Variants in CERS3 observed in about 807,000 individuals in gnomAD.
CERS3 encodes LAG1 homolog, ceramide synthase 3.
CERS3 carries 33 observed loss-of-function variants against 50.3 expected under a neutral mutation model. The ratio of observed to expected loss-of-function variants is 0.66; its 90% CI spans 0.50 to 0.88. The LOEUF (loss-of-function observed/expected upper bound fraction) is 0.88, where lower values mean the gene tolerates loss of function less well. Among genes scored for constraint, CERS3 ranks in the 40% least tolerant of loss-of-function variants. The pLI, the probability that CERS3 is intolerant of heterozygous loss-of-function variation, is 0.00. For missense variants in CERS3, 470 were observed against 460.3 expected, an observed-to-expected ratio of 1.02 and a Z score of -0.19; for synonymous variants, 176 against 155.2, an observed-to-expected ratio of 1.13 and a Z score of -0.99.
intron 2 of CERS3, among the ~76,000 whole-genome samples, chr15:100,505,131 T>C (rs906785974): frequency 6.6e-6 from 1 of 152,190 alleles, no homozygotes; most frequent in African/African-American, 2.4e-5. Flanking sequence ...TTCCTTACTT[T>C]ATTGGTTCCA....
At chr15:100,451,706 CA>C (rs59479206) in intron 11 of CERS3, among the ~76,000 whole-genome samples, 75,904 of 150,268 alleles carry the variant, frequency 0.51, 19,549 homozygotes, top group Non-Finnish European at 0.57. Flanking sequence ...GACTCTGTCT[CA>C]AAAAAAACAA....
intron 2 of CERS3, among the ~76,000 whole-genome samples, chr15:100,507,089 C>G (rs2036207079): frequency 6.6e-6 from 1 of 152,126 alleles, no homozygotes; most frequent in Non-Finnish European, 1.5e-5. Flanking sequence ...AGTTTTACCT[C>G]CCAAATTCTC....
chr15:100,457,436 C>G (rs1190115808), intron 10 of CERS3, among the ~76,000 whole-genome samples: 2 of 152,194 alleles, frequency 1.3e-5, no homozygotes, highest in East Asian at 1.9e-4. Flanking sequence ...GTTGTGTGAG[C>G]TTTTAAGGCC....
At chr15:100,538,281 G>T (rs1035997404) in intron 1 of CERS3, among the ~76,000 whole-genome samples, 2 of 152,188 alleles carry the variant, frequency 1.3e-5, no homozygotes, top group African/African-American at 4.8e-5. Context: ...TCTGGAGGAT[G>T]GTAGCCCTCT....
chr15:100,457,726 C>A (rs1244438441), intron 10 of CERS3, among the ~76,000 whole-genome samples: 1 of 152,172 alleles, frequency 6.6e-6, no homozygotes, highest in Non-Finnish European at 1.5e-5. Flanking sequence ...ATATGCTTAA[C>A]TTTATAATAA....
At chr15:100,523,056 A>C (rs1471971464) in intron 1 of CERS3, among the ~76,000 whole-genome samples, 1 of 152,188 alleles carries the variant, frequency 6.6e-6, no homozygotes, top group Non-Finnish European at 1.5e-5. Flanking sequence ...TTGCAGTTTT[A>C]ATCTGCATTC....
intron 11 of CERS3, among the ~76,000 whole-genome samples, chr15:100,454,102 C>A (rs549259642): frequency 2.6e-4 from 40 of 152,226 alleles, no homozygotes; most frequent in African/African-American, 9.6e-4. Context: ...ACCAAGATAG[C>A]AATGTTGGCC....
chr15:100,541,218 G>C (rs1333215958), intron 1 of CERS3, among the ~76,000 whole-genome samples: 1 of 152,190 alleles, frequency 6.6e-6, no homozygotes, highest in African/African-American at 2.4e-5. Flanking sequence ...AACTTACTAA[G>C]TTGGTTAAGC....
chr15:100,484,431 T>G (rs1316709076), intron 5 of CERS3, 119 bp downstream of exon 5: 2 of 683,616 alleles, frequency 2.9e-6, no homozygotes, highest in Non-Finnish European at 5.2e-6. Flanking sequence ...ACCACATCAG[T>G]GGGTGACAGA....
intron 2 of CERS3, among the ~76,000 whole-genome samples, chr15:100,516,185 T>A (rs1596798100): frequency 6.6e-6 from 1 of 152,048 alleles, no homozygotes; most frequent in African/African-American, 2.4e-5. Context: ...TAGAAAGGGG[T>A]GGGTAAGGCC....
chr15:100,474,625 G>A (rs569803882), intron 8 of CERS3, among the ~76,000 whole-genome samples: 20 of 152,266 alleles, frequency 1.3e-4, no homozygotes, highest in Admixed American at 3.9e-4. Context: ...GGATGGCCTC[G>A]ATCTCTTGAC....
chr15:100,448,862 A>C (rs917783823), intron 11 of CERS3, among the ~76,000 whole-genome samples: 2 of 152,194 alleles, frequency 1.3e-5, no homozygotes, highest in African/African-American at 2.4e-5. Flanking sequence ...CAGTGACCCC[A>C]CTTCCTTAGT....
chr15:100,464,396 C>A (rs1487833991), intron 10 of CERS3, among the ~76,000 whole-genome samples: 1 of 152,184 alleles, frequency 6.6e-6, no homozygotes, highest in South Asian at 2.1e-4. Flanking sequence ...GTTCGTAACA[C>A]CCAGCTGTGA....
At chr15:100,524,508 C>T (rs559288113) in intron 1 of CERS3, among the ~76,000 whole-genome samples, 30 of 152,262 alleles carry the variant, frequency 2.0e-4, no homozygotes, top group Non-Finnish European at 3.7e-4. Context: ...CAAGTTACAG[C>T]TAATGGGATA....
intron 11 of CERS3, among the ~76,000 whole-genome samples, chr15:100,445,067 A>T (rs1310487341): frequency 2.7e-5 from 4 of 150,762 alleles, no homozygotes; most frequent in African/African-American, 9.7e-5. Flanking sequence ...CCAACTTAAA[A>T]AGGACTGGAC....
intron 1 of CERS3, among the ~76,000 whole-genome samples, chr15:100,539,596 T>A (rs1201915286): frequency 6.6e-6 from 1 of 152,168 alleles, no homozygotes; most frequent in Non-Finnish European, 1.5e-5. Context: ...TCAGGAGAAC[T>A]TGCTCACTAT....
chr15:100,479,901 G>T, intron 6 of CERS3, 88 bp downstream of exon 6: 1 of 915,982 alleles, frequency 1.1e-6, no homozygotes, highest in Non-Finnish European at 1.7e-6. Context: ...TTATCTTATT[G>T]AAAGTACTAT....
At chr15:100,466,266 A>C (rs2142223823) in intron 10 of CERS3, among the ~76,000 whole-genome samples, 1 of 110,802 alleles carries the variant, frequency 9.0e-6, no homozygotes, top group South Asian at 2.8e-4. Flanking sequence ...TTGCTTGTTT[A>C]TTTTGAGACA....
rs777039186 is a variant in CERS3, at chr15:100,476,175, G to A, written c.520C>T (p.Leu174=). ...TAGTACCAGTACTGGGATGGCAGCA[G>A]GGGCTGAGGAAAAGAAGAGTATTCA... ...EVWNGYPKQP[L]LPSQYWYYIL... The change falls in exon 8 of 12, where the codon CTG becomes TTG. Residue 174 remains leucine (L), a synonymous_variant. Transcript: ENST00000679737. 5.8e-6 allele frequency: 9 copies of A among 1,560,464 alleles called. No homozygotes were observed. The East Asian group carries it at 2.0e-4, about 34-fold the overall frequency.
Sources: gnomAD v4.1 joint callset for allele counts (sites outside exome capture counted in the v4.1 genomes callset) on GRCh38, gnomAD v4.1.1 for gene constraint, MANE v1.5 for transcripts, NCBI Gene and HGNC (gene_info 2026-07-23, HGNC 2026-07-21) for gene names.